The following ZNF217 variants were observed in gnomAD, a reference collection of about 807,000 sequenced individuals.
ZNF217 encodes the protein zinc finger protein 217.
Under a neutral mutation model 73.3 loss-of-function variants are expected in ZNF217, and 12 were observed. The ratio of observed to expected loss-of-function variants is 0.16; its 90% CI spans 0.10 to 0.27. The LOEUF is 0.27. ZNF217 is among the 10% of genes least tolerant of loss of function. The pLI, the probability that ZNF217 is intolerant of heterozygous loss-of-function variation, is 1.00. For missense variants in ZNF217, 1,195 were observed against 1,327.8 expected, an observed-to-expected ratio of 0.90 and a Z score of 1.55; for synonymous variants, 588 against 516.4, an observed-to-expected ratio of 1.14 and a Z score of -1.88.
At chr20:53,592,176 C>A (rs554625496) in intron 1 of ZNF217, among the ~76,000 whole-genome samples, 1 of 152,282 alleles carries the variant, frequency 6.6e-6, no homozygotes, top group African/African-American at 2.4e-5. Flanking sequence ...AACCTAGCTA[C>A]GCTGTAGGAC....
In ZNF217 at chr20:53,567,327, A is replaced by G. The variant is rs1987786382; in HGVS notation, c.*1961T>C. ...CAATAGTTAATACTGATGGACACAA[A>G]AACATATTTTGAAGTACAAAGGGCT... On this transcript the variant is annotated 3_prime_UTR_variant, in exon 6 of 6. Transcript: ENST00000371471. The G allele has an allele frequency of 6.6e-6, 1 of 152,664 alleles. No homozygotes were observed. The highest frequency in any genetic ancestry group is 1.5e-5 in the Non-Finnish European group (1 of 68,044). The allele number at this position is 152,664 out of a possible 1,614,324, so 9.5% of individuals were successfully genotyped here. A position where few individuals can be genotyped will look rare whatever the true frequency, so the allele number is the denominator to read the frequency against.
At chr20:53,580,985 G>A (rs1370402672) in intron 2 of ZNF217, among the ~76,000 whole-genome samples, 1 of 152,124 alleles carries the variant, frequency 6.6e-6, no homozygotes, top group Non-Finnish European at 1.5e-5. Flanking sequence ...TGATGATGGG[G>A]CTGTCCTGTG....
intron 3 of ZNF217, among the ~76,000 whole-genome samples, chr20:53,578,087 A>G (rs957334894): frequency 9.9e-5 from 15 of 151,988 alleles, no homozygotes; most frequent in Non-Finnish European, 8.8e-5. Flanking sequence ...ACTCCAGCCG[A>G]GGTGACAGAG....
At position 53,578,428 on chromosome 20, in the gene ZNF217, T is replaced by C; in HGVS notation, c.1389A>G (p.Lys463=). ...CTCTTGAAGATGTAAGATGTTTTAT[T>C]TTTCCTCCATCATCATTTTTATCTT... ...IHLDKNDDGG[K]IKHLTSSREC... The change falls in exon 3 of 6, where the codon AAA becomes AAG. Residue 463 remains lysine, a synonymous_variant. Transcript: ENST00000371471. 6.4e-7 allele frequency: 1 copy of C among 1,568,078 alleles called. No homozygotes were observed. Among genetic ancestry groups the C allele is most frequent in the Non-Finnish European group, 8.6e-7 (1 of 1,163,758 alleles).
rs370125928 is a variant in ZNF217, at chr20:53,588,556, G to T, written c.-343+5200C>A. Among the ~76,000 whole-genome samples the T allele has an allele frequency of 1.9e-4, 28 of 150,832 alleles. No homozygotes were observed. In the East Asian group the frequency reaches 3.5e-3, roughly 19 times the overall value. On this transcript the variant is annotated intron_variant, in intron 1 of 5. Coordinates refer to ENST00000371471, the MANE Select transcript of ZNF217 (RefSeq NM_006526.3). ...CTATCTTTACCTGCACTAACTCTCT[G>T]TAATGAAAACACTGAACGTGTGTAT...
chr20:53,592,447 G>A (rs954854384), intron 1 of ZNF217, among the ~76,000 whole-genome samples: 2 of 152,044 alleles, frequency 1.3e-5, no homozygotes, highest in Admixed American at 6.5e-5. Flanking sequence ...AGATGCCAGG[G>A]TCCCAGAAGT....
rs761614120 is a variant in ZNF217 at position 53,576,681 on chromosome 20, G to C, written c.2083C>G (p.His695Asp). The C allele has an allele frequency of 5.6e-6, 9 of 1,614,224 alleles. No individual in the cohort carries two copies. In the South Asian group the frequency reaches 8.8e-5, roughly 16 times the overall value. ...CTCAAAGAAATTGCCGGGCAATTGT[G>C]AAGAGCCCCCACGGATAAATTTAAA... ...KPLNLSVGAL[H>D]NCPAISLSKS... is the part of the protein sequence containing the mutation. The change falls in exon 4 of 6, where the codon CAC (histidine) becomes GAC (aspartate). Residue 695 changes from histidine (H) to aspartate (D), a missense_variant. Physicochemically the swap from His to Asp is moderately conservative, Grantham distance 81. Around this residue, in one of 9 missense-constraint regions of ZNF217, gnomAD observed 649 missense variants for 642.8 expected, o/e 1.01. Transcript: ENST00000371471.
chr20:53,594,032 C>T (rs1227131742), upstream of ZNF217, among the ~76,000 whole-genome samples: 1 of 149,664 alleles, frequency 6.7e-6, no homozygotes, highest in East Asian at 2.0e-4. Context: ...TTCGCGCCTC[C>T]AAGACCCCCC....
In ZNF217 at chr20:53,576,238, A is replaced by G; in HGVS notation, c.2526T>C (p.Phe842=). The G allele has an allele frequency of 6.2e-7, 1 of 1,614,164 alleles. No individual in the cohort carries two copies. Among genetic ancestry groups the G allele is most frequent in the Non-Finnish European group, 8.5e-7 (1 of 1,180,022 alleles). ...GTGCAGGGGAAACACTGGTTTTAGG[A>G]AACATCTCAGATTGCTGTTGCCTGG... ...AATRQQQSEM[F]PKTSVSPAPD... is the part of the protein sequence containing the mutation. Residue 842 remains phenylalanine, a synonymous_variant, in exon 4 of 6, where the codon TTT becomes TTC. Coordinates refer to ENST00000371471, the MANE Select transcript of ZNF217 (RefSeq NM_006526.3).
At chr20:53,578,998 G>T (rs1275108660) in intron 2 of ZNF217, among the ~76,000 whole-genome samples, 1 of 152,180 alleles carries the variant, frequency 6.6e-6, no homozygotes, top group African/African-American at 2.4e-5. Context: ...TCTGGCATTG[G>T]GCAAGCACCT....
At chr20:53,573,604 G>A (rs879816958) in intron 4 of ZNF217, among the ~76,000 whole-genome samples, 11 of 152,234 alleles carry the variant, frequency 7.2e-5, no homozygotes, top group Admixed American at 7.2e-4. Context: ...GATTACAGGT[G>A]CAAACCAACA....
In ZNF217 at chr20:53,579,500, G is replaced by T. The variant is rs367843709; in HGVS notation, c.1367-1050C>A. Among the ~76,000 whole-genome samples the T allele has an allele frequency of 5.9e-5, 9 of 152,264 alleles. No homozygotes were observed. In the East Asian group the frequency reaches 1.5e-3, roughly 26 times the overall value. On this transcript the variant is annotated intron_variant, in intron 2 of 5. Transcript: ENST00000371471. Reference sequence around the variant, plus strand: ...AAAATCAATTCCCCAAATACAGAATGGCCAGCTTTTTTTTCTTACAATCAT... The same window carrying T: ...AAAATCAATTCCCCAAATACAGAATTGCCAGCTTTTTTTTCTTACAATCAT...
intron 4 of ZNF217, among the ~76,000 whole-genome samples, chr20:53,573,183 C>T (rs1049557058): frequency 6.8e-6 from 1 of 147,756 alleles, no homozygotes; most frequent in African/African-American, 2.5e-5. Context: ...AGTGCAATGG[C>T]ACAATCTCAG....
chr20:53,582,663 T>A lies in ZNF217; in HGVS notation c.164A>T (p.Asn55Ile). 6.2e-7 allele frequency: 1 copy of A among 1,614,166 alleles called. No individual in the cohort carries two copies. The highest frequency in any genetic ancestry group is 8.5e-7 in the Non-Finnish European group (1 of 1,180,030). Residue 55 changes from asparagine to isoleucine, a missense_variant, in exon 2 of 6, where the codon AAT becomes ATT. Physicochemically the swap from Asn to Ile is moderately radical, Grantham distance 149 (BLOSUM62 -3). This residue lies in a region of ZNF217 where 147 missense variants were observed against 184.3 expected (regional missense o/e 0.80). Transcript: ENST00000371471. This position sits in a 1 kb window ranked among gnomAD's most constrained non-coding sequence, Gnocchi z 4.8. ...CATATACCCCTCGATTTGGATGACA[T>A]TTTTTTCTTGTGTAGCTCGGAATGG... is the stretch of plus-strand genomic sequence containing the variant. ...VVPFRATQEK[N>I]VIQIEGYMPL...
intron 4 of ZNF217, among the ~76,000 whole-genome samples, chr20:53,573,500 G>A (rs900797211): frequency 6.6e-6 from 1 of 152,118 alleles, no homozygotes; most frequent in African/African-American, 2.4e-5. Context: ...TTTAGCCCAG[G>A]CTGGAGTGCA....
rs1306551402 is a variant in ZNF217, at chr20:53,583,320, G to T, written c.-342-152C>A. Among the ~76,000 whole-genome samples the T allele has an allele frequency of 5.9e-5, 9 of 152,308 alleles. No homozygotes were observed. In the East Asian group the frequency reaches 1.7e-3, roughly 29 times the overall value. On this transcript the variant is annotated intron_variant, in intron 1 of 5. Transcript: ENST00000371471. ...ATATATAGGGCATCCTGTTAAACGTGCTTGTTAATTAAATCATTGGCATTT... is the reference window on the plus strand; with the variant it reads ...ATATATAGGGCATCCTGTTAAACGTTCTTGTTAATTAAATCATTGGCATTT...
intron 1 of ZNF217, among the ~76,000 whole-genome samples, chr20:53,592,553 T>C (rs886820048): frequency 6.3e-5 from 8 of 127,158 alleles, no homozygotes; most frequent in Admixed American, 1.7e-4. Context: ...CCGTCTTCGG[T>C]GGCCCTACCC....
intron 1 of ZNF217, among the ~76,000 whole-genome samples, chr20:53,585,134 T>A (rs1568690006): frequency 6.8e-6 from 1 of 147,628 alleles, no homozygotes; most frequent in South Asian, 2.2e-4. Context: ...TTAGTCCCTA[T>A]GTCAGCTCTC....
rs1356217499 is a variant in ZNF217, at chr20:53,577,500, CTTAT to C, written c.1484-224_1484-221del. ...GAAAAATTAACAGCAACACTTCTAACTTATTTAATCTTCCTAACAGCCCTAGGGA... is the reference window on the plus strand; with the variant it reads ...GAAAAATTAACAGCAACACTTCTAACTTAATCTTCCTAACAGCCCTAGGGA... On this transcript the variant is annotated intron_variant, in intron 3 of 5. Coordinates refer to ENST00000371471, the MANE Select transcript of ZNF217 (RefSeq NM_006526.3). 2.0e-5 allele frequency among the ~76,000 whole-genome samples: 3 copies of C among 152,274 alleles called. No individual in the cohort carries two copies. In the East Asian group the frequency reaches 5.8e-4, roughly 29 times the overall value.
Sources: gnomAD v4.1 joint callset for allele counts (sites outside exome capture counted in the v4.1 genomes callset) on GRCh38, gnomAD v4.1.1 for gene constraint, gnomAD v4.1.1 regional missense constraint, Gnocchi (gnomAD v3.1) non-coding constraint, MANE v1.5 for transcripts, NCBI Gene and HGNC (gene_info 2026-07-23, HGNC 2026-07-21) for gene names.